The following RUFY3 variants were observed in gnomAD, a reference collection of about 807,000 sequenced individuals.
The protein encoded by RUFY3 is protein RUFY3.
A neutral mutation model predicts 84.0 loss-of-function variants in RUFY3; 34 were observed. The observed-to-expected ratio is 0.40, with a 90% CI of 0.31 to 0.54. The LOEUF (loss-of-function observed/expected upper bound fraction) is 0.54. RUFY3 is among the 20% of genes least tolerant of loss of function. RUFY3 has a pLI of 0.39. For synonymous variants in RUFY3, 242 were observed against 252.9 expected, an observed-to-expected ratio of 0.96 and a Z score of 0.41; for missense variants, 507 against 736.8, an observed-to-expected ratio of 0.69 and a Z score of 3.61.
At chr4:70,710,677 C>CA (rs895756878) in intron 1 of RUFY3, among the ~76,000 whole-genome samples, 20 of 147,582 alleles carry the variant, frequency 1.4e-4, no homozygotes, top group Admixed American at 3.4e-4. Context: ...TCTCAAAAAA[C>CA]AAAAAAAAAG....
At chr4:70,766,504 C>T (rs1725948838) in intron 4 of RUFY3, among the ~76,000 whole-genome samples, 1 of 152,188 alleles carries the variant, frequency 6.6e-6, no homozygotes, top group Non-Finnish European at 1.5e-5. Flanking sequence ...CTCAGCCTCC[C>T]AAAGTGTGGG....
chr4:70,754,025 T>C (rs1723570276), intron 1 of RUFY3, among the ~76,000 whole-genome samples: 1 of 152,014 alleles, frequency 6.6e-6, no homozygotes. Flanking sequence ...AAGGTAGCAA[T>C]GAGGACAAGT....
Position 70,732,744 on chromosome 4 carries a change from C to A in RUFY3, c.178+9993C>A, listed in dbSNP as rs187495021. On this transcript the variant is annotated intron_variant, in intron 1 of 17. Transcript: ENST00000381006. ...GATACAGGGAAGGGAACATCACACA[C>A]TGGGGACCTGTCGGTGGGTAGGGGG... Among the ~76,000 whole-genome samples, 293 of 141,122 alleles carry A rather than the reference C, an allele frequency of 2.1e-3. 3 individuals carry two copies. Among genetic ancestry groups the A allele is most frequent in the Non-Finnish European group, 3.1e-3 (205 of 66,332 alleles). The allele number at this position is 141,122 out of a possible 152,430, so 92.6% of individuals were successfully genotyped here.
At chr4:70,804,666 C>G (rs1048089707) in intron 17 of RUFY3, among the ~76,000 whole-genome samples, 1 of 151,464 alleles carries the variant, frequency 6.6e-6, no homozygotes, top group African/African-American at 2.4e-5. Context: ...GCCTGTAATC[C>G]CAGCATTTTG....
intron 1 of RUFY3, among the ~76,000 whole-genome samples, chr4:70,729,996 G>A (rs886375061): frequency 1.8e-4 from 27 of 147,614 alleles, no homozygotes; most frequent in Middle Eastern, 3.2e-3. Context: ...ACACAGTGGC[G>A]CAATCTTGGT....
At chr4:70,769,472 C>A (rs1726581323) in intron 5 of RUFY3, among the ~76,000 whole-genome samples, 1 of 152,132 alleles carries the variant, frequency 6.6e-6, no homozygotes, top group Non-Finnish European at 1.5e-5. Context: ...ATCACCTGAG[C>A]CTTCAGTGAG....
At chr4:70,734,355 C>T in intron 1 of RUFY3, 1 of 977,236 alleles carries the variant, frequency 1.0e-6, no homozygotes, top group Non-Finnish European at 1.2e-6. Flanking sequence ...TGTAATTGGC[C>T]CTTGGTGAGA....
intron 17 of RUFY3, among the ~76,000 whole-genome samples, chr4:70,805,140 A>G (rs80083602): frequency 0.041 from 6,296 of 152,282 alleles, 297 homozygotes; most frequent in East Asian, 0.2. Context: ...TGCTAACTAC[A>G]TTTCCCAAAA....
chr4:70,742,515 C>T (rs1320046536), intron 1 of RUFY3, among the ~76,000 whole-genome samples: 1 of 152,160 alleles, frequency 6.6e-6, no homozygotes, highest in South Asian at 2.1e-4. Flanking sequence ...GTGCCACCTG[C>T]GAACCCTTCA....
chr4:70,758,962 C>T (rs766086379), intron 1 of RUFY3, among the ~76,000 whole-genome samples: 12 of 151,694 alleles, frequency 7.9e-5, no homozygotes, highest in Non-Finnish European at 1.6e-4. Context: ...GACATGAACC[C>T]GGGAGGCGGA....
intron 5 of RUFY3, among the ~76,000 whole-genome samples, chr4:70,772,564 T>G (rs1244408010): frequency 1.3e-5 from 2 of 152,238 alleles, no homozygotes; most frequent in Admixed American, 6.5e-5. Flanking sequence ...TCTCACCCTT[T>G]CTGTATGAAA....
intron 1 of RUFY3, among the ~76,000 whole-genome samples, chr4:70,716,747 G>C (rs2148572622): frequency 6.6e-6 from 1 of 150,912 alleles, no homozygotes; most frequent in Non-Finnish European, 1.5e-5. Context: ...GGGAGTCTGA[G>C]ACAGGAGAAT....
At chr4:70,778,807 T>G (rs1728416344) in intron 8 of RUFY3, among the ~76,000 whole-genome samples, 1 of 152,082 alleles carries the variant, frequency 6.6e-6, no homozygotes, top group Non-Finnish European at 1.5e-5. Context: ...CTTGAACTCC[T>G]GACCTCAGGT....
At chr4:70,796,946 CTTT>C (rs1203826586) in intron 14 of RUFY3, among the ~76,000 whole-genome samples, 2 of 135,172 alleles carry the variant, frequency 1.5e-5, no homozygotes, top group African/African-American at 2.9e-5. Context: ...CTTTTCTTTT[CTTT>C]TTTTTTTTTT....
At chr4:70,735,677 C>T (rs1360402004) in intron 1 of RUFY3, among the ~76,000 whole-genome samples, 1 of 149,660 alleles carries the variant, frequency 6.7e-6, no homozygotes, top group Non-Finnish European at 1.5e-5. Context: ...CCTATATCTA[C>T]AAAAAAAAAT....
intron 8 of RUFY3, among the ~76,000 whole-genome samples, chr4:70,779,676 G>A (rs553765568): frequency 2.9e-4 from 43 of 148,176 alleles, no homozygotes; most frequent in Admixed American, 1.1e-3. Flanking sequence ...CCCGCCCCCC[G>A]GGCTCAAGTG....
At chr4:70,802,328 A>G (rs1732332316) in intron 15 of RUFY3, among the ~76,000 whole-genome samples, 1 of 152,180 alleles carries the variant, frequency 6.6e-6, no homozygotes, top group Admixed American at 6.5e-5. Context: ...AAGAATAAGA[A>G]CCATTGCAAT....
chr4:70,793,209 G>A, intron 12 of RUFY3: 1 of 986,256 alleles, frequency 1.0e-6, no homozygotes, highest in Non-Finnish European at 1.2e-6. Context: ...GAAGGAGACA[G>A]CCAAACTCTG....
chr4:70,764,979 A>G (rs1725602098), intron 4 of RUFY3, among the ~76,000 whole-genome samples: 1 of 152,106 alleles, frequency 6.6e-6, no homozygotes, highest in Admixed American at 6.6e-5. Context: ...TGAGGCCAGG[A>G]GTCTGAGACC....
Sources: gnomAD v4.1 joint callset for allele counts (sites outside exome capture counted in the v4.1 genomes callset) on GRCh38, gnomAD v4.1.1 for gene constraint, MANE v1.5 for transcripts, NCBI Gene and HGNC (gene_info 2026-07-23, HGNC 2026-07-21) for gene names.